Variants in CTU2 observed in about 807,000 individuals in gnomAD.
The protein encoded by CTU2 is cytoplasmic tRNA 2-thiolation protein 2.
Under a neutral mutation model 64.1 loss-of-function variants are expected in CTU2, and 80 were observed. The ratio of observed to expected loss-of-function variants is 1.25; its 90% confidence interval spans 1.04 to 1.50. The LOEUF is 1.50. Among genes scored for constraint, CTU2 ranks in the 40% most tolerant of loss-of-function variants. The probability of loss-of-function intolerance (pLI) is 0.00; values close to 1 mark genes in which losing one functional copy is unlikely to be tolerated. For synonymous variants in CTU2, 482 were observed against 285.3 expected, an observed-to-expected ratio of 1.69 and a Z score of -6.95; for missense variants, 1,110 against 690.2, an observed-to-expected ratio of 1.61 and a Z score of -6.81.
rs746330874 is a variant in CTU2, at chr16:88,714,498, A to T, written c.1201+12A>T. 6.2e-7 allele frequency: 1 copy of T among 1,612,500 alleles called. No individual in the cohort carries two copies. The highest frequency in any genetic ancestry group is 1.1e-5 in the South Asian group (1 of 91,082). On this transcript the variant is annotated intron_variant, in intron 11 of 14. Transcript: ENST00000453996. ...CGTCGACGCCGCTGGTCTGTGTTTC[A>T]TGCTCTTGGGGTGATGCGGGGAGGG... is the stretch of plus-strand genomic sequence containing the variant.
rs1007187007 is a variant in CTU2, at chr16:88,706,582, C to A, written c.52C>A (p.Pro18Thr). 1.4e-6 allele frequency: 2 copies of A among 1,454,384 alleles called. No homozygotes were observed. Among genetic ancestry groups the A allele is most frequent in the Non-Finnish European group, 1.8e-6 (2 of 1,110,498 alleles). 90.1% of individuals were successfully genotyped at this position (1,454,384 alleles called of 1,614,324 possible). ...GGAGCCGGCGCCTGAGGAGCCGCCC[C>A]CGGCGCCGCGGCCCAGGTAAGAGCT... ...YGEPAPEEPP[P>T]APRPSREQKC... The change falls in exon 1 of 15, where the codon CCG becomes ACG. Residue 18 changes from proline to threonine, a missense_variant. Coordinates refer to ENST00000453996, the MANE Select transcript of CTU2 (RefSeq NM_001012759.3).
chr16:88,714,979 T>A, intron 13 of CTU2, 53 bp downstream of exon 13: 3 of 1,603,372 alleles, frequency 1.9e-6, no homozygotes, highest in Non-Finnish European at 2.6e-6. Flanking sequence ...GGGAAGGCCG[T>A]CACCTCGTGG....
At chr16:88,706,854 C>G (rs1259941844) in intron 1 of CTU2, 1 of 559,326 alleles carries the variant, frequency 1.8e-6, no homozygotes. Context: ...TCGGAGAGAA[C>G]TGGTGCCGTG....
intron 5 of CTU2, 145 bp downstream of exon 5, chr16:88,711,840 G>T (rs1911345909): frequency 2.8e-6 from 2 of 717,384 alleles, no homozygotes; most frequent in Admixed American, 2.9e-5. Flanking sequence ...TGCACTGAGG[G>T]CCTGGTGGGG....
chr16:88,711,960 G>C, intron 5 of CTU2: 1 of 605,354 alleles, frequency 1.7e-6, no homozygotes, highest in Non-Finnish European at 2.9e-6. Flanking sequence ...AGTGGCGGCT[G>C]CCCAGCCCCC....
intron 1 of CTU2, 199 bp downstream of exon 1, chr16:88,706,797 C>T (rs916459340): frequency 1.4e-4 from 75 of 527,240 alleles, no homozygotes; most frequent in African/African-American, 1.3e-3. Context: ...GCCTCTCATC[C>T]TAGCAGCCAC....
chr16:88,706,551 C>G lies in CTU2; in HGVS notation c.21C>G (p.Asp7Glu), dbSNP rs1249021328. The G allele has an allele frequency of 1.4e-6, 2 of 1,459,328 alleles. No homozygotes were observed. Among genetic ancestry groups the G allele is most frequent in the Non-Finnish European group, 1.8e-6 (2 of 1,112,772 alleles). 90.4% of individuals were successfully genotyped at this position (1,459,328 alleles called of 1,614,324 possible). A position where few individuals can be genotyped will look rare whatever the true frequency, so the allele number is the denominator to read the frequency against. MCQVGE[D>E]YGEPAPEEPP... is the part of the protein sequence containing the mutation. ...TGCCCATGTGTCAGGTGGGCGAGGA[C>G]TACGGGGAGCCGGCGCCTGAGGAGC... The change falls in exon 1 of 15, where the codon GAC (aspartate) becomes GAG (glutamate). Residue 7 changes from aspartate to glutamate, a missense_variant. Physicochemically the swap from Asp to Glu is conservative, Grantham distance 45 (BLOSUM62 2). Transcript: ENST00000453996.
rs368079417 is a variant in CTU2 at position 88,715,096 on chromosome 16, C to A, written c.1468C>A (p.Arg490Ser). 1 of 1,584,270 alleles carries A rather than the reference C, an allele frequency of 6.3e-7. No individual in the cohort carries two copies. The highest frequency in any genetic ancestry group is 8.6e-7 in the Non-Finnish European group (1 of 1,164,502). Residue 490 changes from arginine to serine, a missense_variant, in exon 14 of 15, where the codon CGC (arginine) becomes AGC (serine). Physicochemically the swap from Arg to Ser is moderately radical, Grantham distance 110. Transcript: ENST00000453996. ...GTACATCCTGGCTGAGGCCCAGCTC[C>A]GCACACAGAGGTACTGGGGCCCACA... ...PPYILAEAQLRTQRAWGLQEI... is the reference protein window; with the variant it reads ...PPYILAEAQLSTQRAWGLQEI...
chr16:88,710,431 C>A, intron 4 of CTU2, 149 bp downstream of exon 4: 1 of 712,524 alleles, frequency 1.4e-6, no homozygotes. Context: ...CAGATGTGTT[C>A]ACAACAGGTG....
chr16:88,714,399 G>A lies in CTU2; in HGVS notation c.1114G>A (p.Val372Met), dbSNP rs758322993. The A allele has an allele frequency of 9.3e-6, 15 of 1,612,392 alleles. No individual in the cohort carries two copies. The African/African-American group carries it at 1.9e-4, about 20-fold the overall frequency. ...STVYRTSEKL[V>M]KGPRDGPAAG... ...CGGCCACAGGACAAGTGAGAAGCTGGTGAAGGGCCCCCGGGATGGCCCTGC... is the reference window on the plus strand; with the variant it reads ...CGGCCACAGGACAAGTGAGAAGCTGATGAAGGGCCCCCGGGATGGCCCTGC... Residue 372 changes from valine to methionine, a missense_variant, in exon 11 of 15, where the codon GTG (valine) becomes ATG (methionine). Coordinates refer to ENST00000453996, the MANE Select transcript of CTU2 (RefSeq NM_001012759.3).
At chr16:88,707,401 T>C (rs192924047) in intron 2 of CTU2, among the ~76,000 whole-genome samples, 191 bp downstream of exon 2, 111 of 152,340 alleles carry the variant, frequency 7.3e-4, no homozygotes, top group African/African-American at 2.5e-3. Flanking sequence ...TGGGAAAGTT[T>C]CCCATGAGCT....
At position 88,710,470 on chromosome 16, in the gene CTU2, G is replaced by A. The variant is rs769682805; in HGVS notation, c.282+188G>A. 169 of 604,292 alleles carry A rather than the reference G, an allele frequency of 2.8e-4. 1 individual carries two copies. Among genetic ancestry groups the A allele is most frequent in the Admixed American group, 2.7e-3 (90 of 33,336 alleles). 37.4% of individuals were successfully genotyped at this position (604,292 alleles called of 1,614,324 possible). A position where few individuals can be genotyped will look rare whatever the true frequency, so the allele number is the denominator to read the frequency against. On this transcript the variant is annotated intron_variant, in intron 4 of 14. Transcript: ENST00000453996. ...CAATCAGGAGCTGAGTCCACAGTGT[G>A]TGTGTGCGGCCCACTCTCAGATGTG... is the stretch of plus-strand genomic sequence containing the variant.
At chr16:88,713,859 C>G in intron 9 of CTU2, 81 bp downstream of exon 9, 2 of 1,560,918 alleles carry the variant, frequency 1.3e-6, no homozygotes, top group Non-Finnish European at 1.8e-6. Flanking sequence ...CTCACAGGCT[C>G]AGGTCACCAG....
At position 88,710,031 on chromosome 16, in the gene CTU2, C is replaced by T. The variant is rs745402860; in HGVS notation, c.222+15C>T. On this transcript the variant is annotated intron_variant, in intron 3 of 14. Coordinates refer to ENST00000453996, the MANE Select transcript of CTU2 (RefSeq NM_001012759.3). ...CAGGCGAGAAGGTAGCGTCTGGGTCCTGGGGGTCTGACTGAGCAGCCTGGC... is the reference window on the plus strand; with the variant it reads ...CAGGCGAGAAGGTAGCGTCTGGGTCTTGGGGGTCTGACTGAGCAGCCTGGC... 20 of 1,613,312 alleles carry T rather than the reference C, an allele frequency of 1.2e-5. No individual in the cohort carries two copies. The highest frequency in any genetic ancestry group is 1.1e-4 in the African/African-American group (8 of 74,914).
At chr16:88,712,993 A>G (rs1911477495) in intron 7 of CTU2, 88 bp downstream of exon 7, 1 of 349,678 alleles carries the variant, frequency 2.9e-6, no homozygotes, top group Non-Finnish European at 4.4e-6. Flanking sequence ...ACCCCCACTC[A>G]TGCCCCTGAG....
At position 88,710,213 on chromosome 16, in the gene CTU2, T is replaced by G. The variant is rs901257037; in HGVS notation, c.223-10T>G. 5 of 1,613,846 alleles carry G rather than the reference T, an allele frequency of 3.1e-6. No homozygotes were observed. The African/African-American group carries it at 6.7e-5, about 22-fold the overall frequency. On this transcript the variant is annotated splice_polypyrimidine_tract_variant and intron_variant, in intron 3 of 14. Coordinates refer to ENST00000453996, the MANE Select transcript of CTU2 (RefSeq NM_001012759.3). ...GTGCGGTGCCCTGAGTGATGTTTTTTCTCCCCCAGGTGCTCTTGGCGTGGT... is the reference window on the plus strand; with the variant it reads ...GTGCGGTGCCCTGAGTGATGTTTTTGCTCCCCCAGGTGCTCTTGGCGTGGT...
Position 88,714,674 on chromosome 16 carries a change from C to CG in CTU2, c.1293dup (p.Pro432AlafsTer28). On this transcript the variant is annotated frameshift_variant, in exon 12 of 15. Transcript: ENST00000453996. LOFTEE classifies it high-confidence loss of function. ...CCCCTGACTGAGACCCGGACACCCCCGGGGCCCTGCTGTTCTCCAGGGGTG... is the reference window on the plus strand; with the variant it reads ...CCCCTGACTGAGACCCGGACACCCCCGGGGGCCCTGCTGTTCTCCAGGGGTG... 2 of 1,612,312 alleles carry CG rather than the reference C, an allele frequency of 1.2e-6. No homozygotes were observed. Among genetic ancestry groups the CG allele is most frequent in the Non-Finnish European group, 1.7e-6 (2 of 1,179,752 alleles).
In CTU2 at chr16:88,715,366, A is replaced by AGTTTT; in HGVS notation, c.*115_*116insGTTTT. The AGTTTT allele has an allele frequency of 8.3e-7, 1 of 1,208,246 alleles. No homozygotes were observed. Among genetic ancestry groups the AGTTTT allele is most frequent in the Non-Finnish European group, 1.1e-6 (1 of 879,548 alleles). The allele number at this position is 1,208,246 out of a possible 1,614,324, so 74.8% of individuals were successfully genotyped here. On this transcript the variant is annotated 3_prime_UTR_variant, in exon 15 of 15. Coordinates refer to ENST00000453996, the MANE Select transcript of CTU2 (RefSeq NM_001012759.3). Reference sequence around the variant, plus strand: ...GATTGTCCATTTGTATAAATAAAACATTTTTTAATTAAAAAAAAAACTCTA... The same window carrying AGTTTT: ...GATTGTCCATTTGTATAAATAAAACAGTTTTTTTTTTAATTAAAAAAAAAACTCTA...
In CTU2 at chr16:88,706,520, C is replaced by A. The variant is rs880234; in HGVS notation, c.-11C>A. The A allele has an allele frequency of 1.4e-6, 2 of 1,431,594 alleles. No individual in the cohort carries two copies. The highest frequency in any genetic ancestry group is 1.5e-5 in the African/African-American group (1 of 66,574). The allele number at this position is 1,431,594 out of a possible 1,614,324, so 88.7% of individuals were successfully genotyped here. Reference sequence around the variant, plus strand: ...TCGCCGCCACAGTCTGCGACGGGACCCGGCGTGCCCATGTGTCAGGTGGGC... The same window carrying A: ...TCGCCGCCACAGTCTGCGACGGGACACGGCGTGCCCATGTGTCAGGTGGGC... On this transcript the variant is annotated 5_prime_UTR_variant, in exon 1 of 15. Coordinates refer to ENST00000453996, the MANE Select transcript of CTU2 (RefSeq NM_001012759.3).
Sources: gnomAD v4.1 joint callset for allele counts (sites outside exome capture counted in the v4.1 genomes callset) on GRCh38, gnomAD v4.1.1 for gene constraint, MANE v1.5 for transcripts, NCBI Gene and HGNC (gene_info 2026-07-23, HGNC 2026-07-21) for gene names.